RASSF6: variants seen among roughly 807,000 people sequenced by gnomAD.
RASSF6 encodes Ras association domain family member 6.
A neutral mutation model predicts 44.0 loss-of-function variants in RASSF6; 52 were observed. The observed-to-expected ratio is 1.18, with a 90% CI of 0.95 to 1.49. The LOEUF (loss-of-function observed/expected upper bound fraction) is 1.49, where lower values mean the gene tolerates loss of function less well. Among genes scored for constraint, RASSF6 ranks in the 40% most tolerant of loss-of-function variants. The pLI, the probability that RASSF6 is intolerant of heterozygous loss-of-function variation, is 0.00. For synonymous variants in RASSF6, 162 were observed against 124.6 expected, an observed-to-expected ratio of 1.30 and a Z score of -2.00; for missense variants, 464 against 393.3, an observed-to-expected ratio of 1.18 and a Z score of -1.52.
chr4:73,589,478 C>G (rs936358079), intron 4 of RASSF6, among the ~76,000 whole-genome samples: 3 of 151,604 alleles, frequency 2.0e-5, no homozygotes, highest in Non-Finnish European at 4.4e-5. Flanking sequence ...ATAAGAATCC[C>G]CAGGATGCCA....
chr4:73,578,216 A>C (rs1171250332), intron 8 of RASSF6, among the ~76,000 whole-genome samples: 1 of 152,236 alleles, frequency 6.6e-6, no homozygotes, highest in East Asian at 1.9e-4. Flanking sequence ...GTGGAGCCCA[A>C]GAATGACTGG....
At position 73,584,645 on chromosome 4, in the gene RASSF6, G is replaced by A. The variant is rs539715924; in HGVS notation, c.567+535C>T. 6.3e-4 allele frequency among the ~76,000 whole-genome samples: 96 copies of A among 152,192 alleles called. 2 individuals carry two copies. In the South Asian group the frequency reaches 0.019, roughly 30 times the overall value. ...TTTTTCCTTTTATTTAAATGTTCAC[G>A]TTCAAATGTCCTTTGATCCAACCAC... is the stretch of plus-strand genomic sequence containing the variant. On this transcript the variant is annotated intron_variant, in intron 6 of 10. Transcript: ENST00000307439.
intron 8 of RASSF6, among the ~76,000 whole-genome samples, chr4:73,578,775 A>C (rs1231297084): frequency 6.6e-6 from 1 of 151,700 alleles, no homozygotes; most frequent in Non-Finnish European, 1.5e-5. Context: ...CACCTGGCTA[A>C]TTTTTTTGGT....
intron 1 of RASSF6, among the ~76,000 whole-genome samples, chr4:73,613,151 A>G (rs1394168390): frequency 2.0e-5 from 3 of 152,074 alleles, no homozygotes; most frequent in Non-Finnish European, 2.9e-5. Flanking sequence ...TTCTATTGCT[A>G]TCTTCTTGCT....
intron 1 of RASSF6, among the ~76,000 whole-genome samples, chr4:73,613,847 G>T: frequency 6.6e-6 from 1 of 151,958 alleles, no homozygotes; most frequent in Admixed American, 6.6e-5. Flanking sequence ...CTAAATACTG[G>T]CTTGTTTGAG....
chr4:73,620,600 C>A, upstream of RASSF6: 1 of 895,286 alleles, frequency 1.1e-6, no homozygotes, highest in Non-Finnish European at 1.6e-6. Context: ...AGGGAAGTGT[C>A]AAGAAACCTG....
chr4:73,581,113 G>T (rs1393471161), intron 8 of RASSF6, among the ~76,000 whole-genome samples: 1 of 151,908 alleles, frequency 6.6e-6, no homozygotes, highest in African/African-American at 2.4e-5. Context: ...AGGTGTTCTG[G>T]CATCAAAATG....
At position 73,598,634 on chromosome 4, in the gene RASSF6, G is replaced by T; in HGVS notation, c.144+6C>A. 2.0e-6 allele frequency: 3 copies of T among 1,487,786 alleles called. No individual in the cohort carries two copies. Among genetic ancestry groups the T allele is most frequent in the Non-Finnish European group, 9.3e-7 (1 of 1,080,956 alleles). 92.2% of individuals were successfully genotyped at this position (1,487,786 alleles called of 1,614,324 possible). ...ACACCGGATTGCCTTTCTTCAGTGGGCTTACCTCTCCATATAAAATATGCA... is the reference window on the plus strand; with the variant it reads ...ACACCGGATTGCCTTTCTTCAGTGGTCTTACCTCTCCATATAAAATATGCA... On this transcript the variant is annotated splice_donor_region_variant and intron_variant, in intron 3 of 10. Transcript: ENST00000307439.
In RASSF6 at chr4:73,571,851, C is replaced by G. The variant is rs185110290; in HGVS notation, c.*4384G>C. On this transcript the variant is annotated 3_prime_UTR_variant, in exon 11 of 11. Coordinates refer to ENST00000307439, the MANE Select transcript of RASSF6 (RefSeq NM_177532.5). Reference sequence around the variant, plus strand: ...AACTGACAATGAAATATTTGGACCACCTAAAACAAGGATAAATTATTCTGT... The same window carrying G: ...AACTGACAATGAAATATTTGGACCAGCTAAAACAAGGATAAATTATTCTGT... The G allele has an allele frequency of 4.4e-4, 67 of 152,052 alleles. No homozygotes were observed. Among genetic ancestry groups the G allele is most frequent in the African/African-American group, 1.5e-3 (61 of 41,464 alleles). The allele number at this position is 152,052 out of a possible 1,614,324, so 9.4% of individuals were successfully genotyped here. A position where few individuals can be genotyped will look rare whatever the true frequency, so the allele number is the denominator to read the frequency against.
intron 2 of RASSF6, among the ~76,000 whole-genome samples, chr4:73,602,163 A>G (rs1042180912): frequency 5.9e-5 from 9 of 152,264 alleles, no homozygotes; most frequent in Admixed American, 4.6e-4. Flanking sequence ...TGAGCAATGA[A>G]TGAGCCCCGT....
rs933661914 is a variant in RASSF6 at position 73,571,636 on chromosome 4, T to C, written c.*4599A>G. On this transcript the variant is annotated 3_prime_UTR_variant, in exon 11 of 11. Transcript: ENST00000307439. ...ATACATATGGGGAATTTTATAAAAA[T>C]ATTTCAGATAATTCCTTCACTCATT... is the stretch of plus-strand genomic sequence containing the variant. The C allele has an allele frequency of 2.6e-5, 4 of 152,218 alleles. No individual in the cohort carries two copies. The East Asian group carries it at 7.7e-4, about 29-fold the overall frequency. 9.4% of individuals were successfully genotyped at this position (152,218 alleles called of 1,614,324 possible). A position where few individuals can be genotyped will look rare whatever the true frequency, so the allele number is the denominator to read the frequency against.
intron 2 of RASSF6, among the ~76,000 whole-genome samples, chr4:73,609,845 AT>A (rs1340853638): frequency 1.3e-5 from 2 of 152,060 alleles, no homozygotes; most frequent in African/African-American, 4.8e-5. Context: ...AGCTCCAGGA[AT>A]TTTGTTTATG....
chr4:73,589,223 G>A (rs1187201569), intron 4 of RASSF6, among the ~76,000 whole-genome samples: 2 of 152,058 alleles, frequency 1.3e-5, no homozygotes. Flanking sequence ...CAAAACAAAT[G>A]TCATAAAGCC....
intron 8 of RASSF6, 90 bp downstream of exon 8, chr4:73,581,727 G>A (rs1449263326): frequency 2.6e-5 from 21 of 797,356 alleles, no homozygotes; most frequent in South Asian, 2.5e-4. Flanking sequence ...TTTCTCCACA[G>A]AATGAGGCAA....
At position 73,582,283 on chromosome 4, in the gene RASSF6, A is replaced by G. The variant is rs1484318848; in HGVS notation, c.575T>C (p.Ile192Thr). Residue 192 changes from isoleucine (I) to threonine (T), a missense_variant, in exon 7 of 11, where the codon ATT becomes ACT. By Grantham distance (89) the Ile-to-Thr change is moderately conservative (BLOSUM62 -1). Transcript: ENST00000307439. ...TTCTGATTCAAAGGCTGGAATGAAA[A>G]TTGATGTCTAGAAAAAGAATTGTCA... ...NGHFYNHETS[I>T]FIPAFESETK... 3 of 1,549,898 alleles carry G rather than the reference A, an allele frequency of 1.9e-6. No homozygotes were observed. The East Asian group carries it at 6.8e-5, about 35-fold the overall frequency.
At chr4:73,589,657 C>A (rs970929704) in intron 4 of RASSF6, among the ~76,000 whole-genome samples, 1 of 151,876 alleles carries the variant, frequency 6.6e-6, no homozygotes, top group Non-Finnish European at 1.5e-5. Flanking sequence ...GAAGCATCAC[C>A]CCATACAACT....
intron 5 of RASSF6, among the ~76,000 whole-genome samples, chr4:73,586,478 G>T (rs1724104686): frequency 6.6e-6 from 1 of 151,920 alleles, no homozygotes; most frequent in South Asian, 2.1e-4. Flanking sequence ...AGATGCAGAA[G>T]ATTCAAACCT....
intron 2 of RASSF6, chr4:73,604,111 C>T (rs1447089677): frequency 1.3e-5 from 2 of 152,162 alleles, no homozygotes; most frequent in African/African-American, 2.4e-5. Flanking sequence ...GCTGTGCTTC[C>T]TGAGTTTGTA....
intron 6 of RASSF6, among the ~76,000 whole-genome samples, chr4:73,584,054 G>A (rs1183667233): frequency 2.0e-5 from 3 of 152,022 alleles, no homozygotes; most frequent in Non-Finnish European, 2.9e-5. Flanking sequence ...TCTGTGAAGA[G>A]GGAAACAGGA....
Sources: gnomAD v4.1 joint callset for allele counts (sites outside exome capture counted in the v4.1 genomes callset) on GRCh38, gnomAD v4.1.1 for gene constraint, MANE v1.5 for transcripts, NCBI Gene and HGNC (gene_info 2026-07-23, HGNC 2026-07-21) for gene names.